Variants in KCNJ18 observed in about 807,000 individuals in gnomAD.
KCNJ18 encodes the protein potassium inwardly rectifying channel subfamily J member 18.
KCNJ18 carries 16 observed loss-of-function variants against 17.3 expected under a neutral mutation model. The ratio of observed to expected loss-of-function variants is 0.92; its 90% CI spans 0.62 to 1.40. The LOEUF (loss-of-function observed/expected upper bound fraction) is 1.40, where lower values mean the gene tolerates loss of function less well. KCNJ18 is among the 40% of genes most tolerant of loss of function. The pLI is 0.00. For missense variants in KCNJ18, 462 were observed against 626.8 expected, an observed-to-expected ratio of 0.74 and a Z score of 2.81; for synonymous variants, 185 against 262.6, an observed-to-expected ratio of 0.70 and a Z score of 2.86.
At position 21,702,913 on chromosome 17, in the gene KCNJ18, C is replaced by T. The variant is rs527236151; in HGVS notation, c.127C>T (p.Arg43Cys). 867 of 1,594,154 alleles carry T rather than the reference C, an allele frequency of 5.4e-4. No individual in the cohort carries two copies. The highest frequency in any genetic ancestry group is 1.2e-3 in the South Asian group (107 of 88,686). The stretch of plus-strand genomic sequence containing the variant: ...CAAGGTGCACACGCGGCGCAGGTGC[C>T]GCAACCGCTTCGTCAAGAAGAATGG... ...NGKVHTRRRC[R>C]NRFVKKNGQC... Residue 43 changes from arginine to cysteine, a missense_variant, in exon 3 of 3, where the codon CGC becomes TGC. By Grantham distance (180) the Arg-to-Cys change is radical (BLOSUM62 -3). Coordinates refer to ENST00000567955, the MANE Select transcript of KCNJ18 (RefSeq NM_001194958.2).
Position 21,703,622 on chromosome 17 carries a change from C to T in KCNJ18, c.836C>T (p.Pro279Leu), listed in dbSNP as rs1269945671. 41 of 1,611,294 alleles carry T rather than the reference C, an allele frequency of 2.5e-5. No homozygotes were observed. The highest frequency in any genetic ancestry group is 3.3e-4 in the Middle Eastern group (2 of 6,054). The change falls in exon 3 of 3, where the codon CCG becomes CTG. Residue 279 changes from proline to leucine, a missense_variant. Pro to Leu is a moderately conservative substitution (Grantham distance 98). Around this residue, in one of 5 missense-constraint regions of KCNJ18, gnomAD observed 55 missense variants for 69.1 expected, o/e 0.80. Transcript: ENST00000567955. ...TTGCATGAAATTGACGAGGCCAGCC[C>T]GCTCTTCGGCATCAGCCGGCAGGAC... ...TILHEIDEAS[P>L]LFGISRQDLE...
At chr17:21,701,638 A>G (rs1905955796) in intron 2 of KCNJ18, among the ~76,000 whole-genome samples, 1 of 152,200 alleles carries the variant, frequency 6.6e-6, no homozygotes, top group Admixed American at 6.5e-5. Flanking sequence ...GCAAAAGAGA[A>G]AACGTCTCAC....
At position 21,703,535 on chromosome 17, in the gene KCNJ18, A is replaced by C; in HGVS notation, c.749A>C (p.Asp250Ala). ...EGEYIPLDQIDIDVGFDKGLD... is the reference protein window; with the variant it reads ...EGEYIPLDQIAIDVGFDKGLD... ...GAGTACATCCCGCTGGACCAGATCGACATCGATGTGGGCTTCGACAAGGGC... is the reference window on the plus strand; with the variant it reads ...GAGTACATCCCGCTGGACCAGATCGCCATCGATGTGGGCTTCGACAAGGGC... Residue 250 changes from aspartate (D) to alanine (A), a missense_variant, in exon 3 of 3, where the codon GAC becomes GCC. Asp to Ala is a moderately radical substitution (Grantham distance 126). Transcript: ENST00000567955. 6.2e-7 allele frequency: 1 copy of C among 1,607,568 alleles called. No individual in the cohort carries two copies. The highest frequency in any genetic ancestry group is 1.7e-4 in the Middle Eastern group (1 of 6,060).
At chr17:21,698,783 A>G (rs1252263845) in intron 2 of KCNJ18, among the ~76,000 whole-genome samples, 1 of 152,040 alleles carries the variant, frequency 6.6e-6, no homozygotes, top group African/African-American at 2.4e-5. Context: ...CTTCAAGTGG[A>G]CTGGTCGCTG....
chr17:21,699,922 G>A, intron 2 of KCNJ18, among the ~76,000 whole-genome samples: 1 of 152,260 alleles, frequency 6.6e-6, no homozygotes, highest in Non-Finnish European at 1.5e-5. Flanking sequence ...TGGAGCAGGG[G>A]CTGGAGCAGC....
At chr17:21,693,026 G>A (rs1278001270) in intron 1 of KCNJ18, among the ~76,000 whole-genome samples, 1,954 of 149,942 alleles carry the variant, frequency 0.013, no homozygotes, top group Non-Finnish European at 0.022. Context: ...GCGGGACGCT[G>A]TGGGCCAGCC....
chr17:21,694,159 G>C (rs1412473057), intron 1 of KCNJ18, among the ~76,000 whole-genome samples: 1 of 136,276 alleles, frequency 7.3e-6, no homozygotes, highest in Non-Finnish European at 1.6e-5. Flanking sequence ...CTCACCAACA[G>C]TTGCCTTAAT....
chr17:21,694,511 C>G (rs1253559694), intron 1 of KCNJ18, among the ~76,000 whole-genome samples: 1 of 152,160 alleles, frequency 6.6e-6, no homozygotes, highest in African/African-American at 2.4e-5. Context: ...ATCTAGTCAT[C>G]TATCCTACTT....
intron 1 of KCNJ18, among the ~76,000 whole-genome samples, chr17:21,693,154 C>T (rs1169781334): frequency 6.6e-6 from 1 of 152,308 alleles, no homozygotes; most frequent in Non-Finnish European, 1.5e-5. Flanking sequence ...GGGGTGAGCT[C>T]ACATGGCGGC....
rs1443068342 is a variant in KCNJ18 at position 21,702,925 on chromosome 17, G to A, written c.139G>A (p.Val47Ile). 81 of 1,592,762 alleles carry A rather than the reference G, an allele frequency of 5.1e-5. No homozygotes were observed. Among genetic ancestry groups the A allele is most frequent in the South Asian group, 5.0e-4 (44 of 88,364 alleles). The stretch of plus-strand genomic sequence containing the variant: ...GCGGCGCAGGTGCCGCAACCGCTTC[G>A]TCAAGAAGAATGGCCAGTGCAACAT... ...HTRRRCRNRF[V>I]KKNGQCNIAF... Residue 47 changes from valine to isoleucine, a missense_variant, in exon 3 of 3, where the codon GTC becomes ATC. Physicochemically the swap from Val to Ile is conservative, Grantham distance 29. Transcript: ENST00000567955.
chr17:21,693,839 C>G (rs1905680259), intron 1 of KCNJ18, among the ~76,000 whole-genome samples: 1 of 152,222 alleles, frequency 6.6e-6, no homozygotes, highest in Non-Finnish European at 1.5e-5. Flanking sequence ...ATCTCTGAAC[C>G]TCTGTGTCCC....
At chr17:21,694,481 A>G (rs1378715905) in intron 1 of KCNJ18, among the ~76,000 whole-genome samples, 20,247 of 127,602 alleles carry the variant, frequency 0.16, no homozygotes, top group African/African-American at 0.22. Context: ...GTAGTTAGCC[A>G]TGTGCCCACC....
intron 1 of KCNJ18, among the ~76,000 whole-genome samples, 190 bp downstream of exon 1, chr17:21,692,904 G>A (rs1905643979): frequency 1.3e-5 from 2 of 152,430 alleles, no homozygotes; most frequent in African/African-American, 2.4e-5. Flanking sequence ...GGCCTGGCAG[G>A]CGACACCAGC....
chr17:21,702,938 G>T lies in KCNJ18; in HGVS notation c.152G>T (p.Gly51Val), dbSNP rs1456002891. 25 of 1,589,102 alleles carry T rather than the reference G, an allele frequency of 1.6e-5. No homozygotes were observed. Among genetic ancestry groups the T allele is most frequent in the Middle Eastern group, 1.7e-4 (1 of 6,056 alleles). The change falls in exon 3 of 3, where the codon GGC (glycine) becomes GTC (valine). Residue 51 changes from glycine (G) to valine (V), a missense_variant. This residue lies in a region of KCNJ18 where 237 missense variants were observed against 259.4 expected (regional missense o/e 0.91). Coordinates refer to ENST00000567955, the MANE Select transcript of KCNJ18 (RefSeq NM_001194958.2). Reference sequence around the variant, plus strand: ...CGCAACCGCTTCGTCAAGAAGAATGGCCAGTGCAACATTGCGTTCGCCAAC... The same window carrying T: ...CGCAACCGCTTCGTCAAGAAGAATGTCCAGTGCAACATTGCGTTCGCCAAC... Reference protein sequence around the residue: ...RCRNRFVKKNGQCNIAFANMD... With the variant: ...RCRNRFVKKNVQCNIAFANMD...
In KCNJ18 at chr17:21,699,698, C is replaced by A. The variant is rs1324901625; in HGVS notation, c.-56-3033C>A. Among the ~76,000 whole-genome samples the A allele has an allele frequency of 9.8e-5, 15 of 152,394 alleles. No individual in the cohort carries two copies. In the East Asian group the frequency reaches 2.3e-3, roughly 24 times the overall value. Reference sequence around the variant, plus strand: ...TGTGGTAAAACCACGCAGAGAGGAACGTCAACAGAAGTGGGGGTTTCCAAG... The same window carrying A: ...TGTGGTAAAACCACGCAGAGAGGAAAGTCAACAGAAGTGGGGGTTTCCAAG... On this transcript the variant is annotated intron_variant, in intron 2 of 2. Transcript: ENST00000567955.
chr17:21,702,583 G>T, intron 2 of KCNJ18, 148 bp from the exon 3 acceptor site: 1 of 731,178 alleles, frequency 1.4e-6, no homozygotes. Context: ...GGAAGGCGGA[G>T]TGGGGAGCTG....
intron 2 of KCNJ18, among the ~76,000 whole-genome samples, chr17:21,699,582 TC>T (rs1233195246): frequency 6.6e-6 from 1 of 152,274 alleles, no homozygotes; most frequent in Non-Finnish European, 1.5e-5. Context: ...CTGCTCAGTT[TC>T]CAGGGGTCCT....
Position 21,703,552 on chromosome 17 carries a change from G to A in KCNJ18, c.766G>A (p.Asp256Asn), listed in dbSNP as rs1290480062. 16 of 1,611,348 alleles carry A rather than the reference G, an allele frequency of 9.9e-6. No homozygotes were observed. The South Asian group carries it at 1.2e-4, about 12-fold the overall frequency. ...CCAGATCGACATCGATGTGGGCTTC[G>A]ACAAGGGCCTGGACCGCATCTTTCT... The part of the protein sequence containing the change: ...LDQIDIDVGF[D>N]KGLDRIFLVS... Residue 256 changes from aspartate (D) to asparagine (N), a missense_variant, in exon 3 of 3, where the codon GAC becomes AAC. Coordinates refer to ENST00000567955, the MANE Select transcript of KCNJ18 (RefSeq NM_001194958.2).
At chr17:21,697,976 G>C (rs1468668580) in intron 2 of KCNJ18, among the ~76,000 whole-genome samples, 1 of 152,308 alleles carries the variant, frequency 6.6e-6, no homozygotes, top group South Asian at 2.1e-4. Context: ...GATCTCCAAG[G>C]GGTCTTCCAA....
Sources: allele counts gnomAD v4.1 joint callset (sites outside exome capture counted in the v4.1 genomes callset), GRCh38; gene constraint gnomAD v4.1.1; regional missense constraint gnomAD v4.1.1; transcripts MANE v1.5; gene names NCBI Gene and HGNC (gene_info 2026-07-23, HGNC 2026-07-21).